The following BABAM2 variants were observed in gnomAD, a reference collection of about 807,000 sequenced individuals.
BABAM2 encodes BRISC and BRCA1 A complex member 2.
In BABAM2, 31 loss-of-function variants were observed where a neutral mutation model predicts 54.7. The observed-to-expected ratio is 0.57, with a 90% confidence interval of 0.43 to 0.77. The LOEUF (loss-of-function observed/expected upper bound fraction) is 0.77, where lower values mean the gene tolerates loss of function less well. Among genes scored for constraint, BABAM2 ranks in the 30% least tolerant of loss-of-function variants. The pLI is 0.00. For synonymous variants in BABAM2, 167 were observed against 162.9 expected (o/e 1.03, Z -0.19); for missense variants, 364 against 455.8 (o/e 0.80, Z 1.83).
At chr2:28,137,467 T>A (rs1241533157) in intron 7 of BABAM2, among the ~76,000 whole-genome samples, 1 of 152,198 alleles carries the variant, frequency 6.6e-6, no homozygotes, top group East Asian at 1.9e-4. Flanking sequence ...TGACTTAGAA[T>A]GGAATTCTGA....
chr2:28,058,618 T>C (rs1678616578), intron 6 of BABAM2, among the ~76,000 whole-genome samples: 1 of 151,812 alleles, frequency 6.6e-6, no homozygotes, highest in African/African-American at 2.4e-5. Context: ...GCATGGTCAC[T>C]TAACTCAGTG....
At chr2:28,130,391 G>T (rs1429387139) in intron 7 of BABAM2, among the ~76,000 whole-genome samples, 4 of 152,124 alleles carry the variant, frequency 2.6e-5, no homozygotes, top group Admixed American at 2.0e-4. Flanking sequence ...GCATTCTCTT[G>T]TCTTTTTATA....
rs146968300 is a variant in BABAM2 at position 28,089,576 on chromosome 2, G to GA, written c.571-39688dup. Among the ~76,000 whole-genome samples the GA allele has an allele frequency of 2.5e-3, 379 of 152,198 alleles. 2 individuals are homozygous for GA. The highest frequency in any genetic ancestry group is 6.3e-3 in the Admixed American group (96 of 15,298). ...TTTTGAAGTTATGATAACCTGACAA[G>GA]AAAAAAATGGATATTTTTATTATCT... On this transcript the variant is annotated intron_variant, in intron 6 of 11. Transcript: ENST00000379624.
At chr2:28,193,626 A>G (rs1677184033) in intron 7 of BABAM2, among the ~76,000 whole-genome samples, 1 of 152,226 alleles carries the variant, frequency 6.6e-6, no homozygotes, top group Non-Finnish European at 1.5e-5. Context: ...ATGCTTATCC[A>G]TTGCTCAAGA....
At chr2:27,896,598 T>A (rs560079496) in intron 2 of BABAM2, 1 of 153,452 alleles carries the variant, frequency 6.5e-6, no homozygotes, top group Non-Finnish European at 1.5e-5. Context: ...CCAGGTGGGA[T>A]TAAGTTGAGC....
chr2:28,174,938 C>G (rs943895985), intron 7 of BABAM2, among the ~76,000 whole-genome samples: 4 of 152,288 alleles, frequency 2.6e-5, no homozygotes, highest in Middle Eastern at 3.4e-3. Context: ...ACACAGTATC[C>G]TGTATCCCAG....
At chr2:28,293,470 C>T (rs1687451247) in intron 10 of BABAM2, among the ~76,000 whole-genome samples, 1 of 152,174 alleles carries the variant, frequency 6.6e-6, no homozygotes, top group Non-Finnish European at 1.5e-5. Context: ...TTTATCAGTG[C>T]ATTCGGCTTT....
intron 6 of BABAM2, among the ~76,000 whole-genome samples, chr2:28,108,914 A>G (rs1033676688): frequency 6.6e-6 from 1 of 152,138 alleles, no homozygotes; most frequent in Non-Finnish European, 1.5e-5. Flanking sequence ...TACATATTGG[A>G]CAGATAACTT....
intron 3 of BABAM2, among the ~76,000 whole-genome samples, chr2:27,949,573 C>T (rs1669554125): frequency 6.6e-6 from 1 of 151,540 alleles, no homozygotes; most frequent in Non-Finnish European, 1.5e-5. Context: ...GAAGACAGGG[C>T]ATCCAGTGAA....
intron 7 of BABAM2, among the ~76,000 whole-genome samples, chr2:28,174,617 C>G (rs950350770): frequency 2.6e-5 from 4 of 152,280 alleles, no homozygotes; most frequent in African/African-American, 9.6e-5. Context: ...CACATTTCCA[C>G]CACAGAGTCC....
chr2:28,172,533 A>G (rs954230267), intron 7 of BABAM2, among the ~76,000 whole-genome samples: 1 of 152,220 alleles, frequency 6.6e-6, no homozygotes, highest in Non-Finnish European at 1.5e-5. Flanking sequence ...CTGCCCAGGC[A>G]TGTCTGTTTT....
At chr2:28,206,387 C>T (rs753804917) in intron 7 of BABAM2, among the ~76,000 whole-genome samples, 5 of 152,024 alleles carry the variant, frequency 3.3e-5, no homozygotes, top group Non-Finnish European at 5.9e-5. Flanking sequence ...TACCATGATC[C>T]GAGCTGTGGC....
At chr2:27,987,235 G>T (rs1672459147) in intron 3 of BABAM2, among the ~76,000 whole-genome samples, 1 of 152,084 alleles carries the variant, frequency 6.6e-6, no homozygotes, top group South Asian at 2.1e-4. Context: ...AGACCTTGTG[G>T]ATATAAATCT....
chr2:27,905,064 T>C (rs1237335611), intron 2 of BABAM2, among the ~76,000 whole-genome samples: 1 of 152,228 alleles, frequency 6.6e-6, no homozygotes, highest in Non-Finnish European at 1.5e-5. Context: ...TTTATTGGCA[T>C]ATATGAAAGC....
rs867137953 is a variant in BABAM2, at chr2:28,026,969, T to A, written c.495+1549T>A. Among the ~76,000 whole-genome samples, 25 of 82,378 alleles carry A rather than the reference T, an allele frequency of 3.0e-4. 1 individual carries two copies. The highest frequency in any genetic ancestry group is 1.1e-3 in the African/African-American group (18 of 16,108). 54.0% of individuals were successfully genotyped at this position (82,378 alleles called of 152,430 possible). A position where few individuals can be genotyped will look rare whatever the true frequency, so the allele number is the denominator to read the frequency against. ...ATATTAATATATATAAATATATATA[T>A]AAATATATAAATATATATAAAAATA... On this transcript the variant is annotated intron_variant, in intron 5 of 11. Transcript: ENST00000379624.
chr2:27,987,945 A>C, intron 3 of BABAM2, 48 bp from the exon 4 acceptor site: 1 of 1,501,080 alleles, frequency 6.7e-7, no homozygotes. Flanking sequence ...CAGAATATTC[A>C]TACTTAGAAA....
intron 7 of BABAM2, among the ~76,000 whole-genome samples, chr2:28,152,580 G>T (rs980672263): frequency 6.6e-6 from 1 of 152,316 alleles, no homozygotes; most frequent in African/African-American, 2.4e-5. Flanking sequence ...ACAGGAATGG[G>T]CACAGGGGAT....
At chr2:28,251,326 G>C (rs1683461840) in intron 10 of BABAM2, among the ~76,000 whole-genome samples, 3 of 151,906 alleles carry the variant, frequency 2.0e-5, no homozygotes, top group Admixed American at 2.0e-4. Context: ...TTTCCTTATA[G>C]GCCTGTAATC....
chr2:27,952,135 T>A (rs1160892599), intron 3 of BABAM2, among the ~76,000 whole-genome samples: 2 of 152,258 alleles, frequency 1.3e-5, no homozygotes, highest in African/African-American at 2.4e-5. Context: ...AAATGTTGTT[T>A]GCCTTGAAAT....
Sources: allele counts gnomAD v4.1 joint callset (sites outside exome capture counted in the v4.1 genomes callset), GRCh38; gene constraint gnomAD v4.1.1; transcripts MANE v1.5; gene names NCBI Gene and HGNC (gene_info 2026-07-23, HGNC 2026-07-21).